The following TMC1 variants were observed in gnomAD, a reference collection of about 807,000 sequenced individuals.
TMC1 encodes transmembrane channel-like protein 1.
TMC1 carries 84 observed loss-of-function variants against 105.8 expected under a neutral mutation model. The observed-to-expected ratio is 0.79, with a 90% CI of 0.67 to 0.95. The LOEUF (loss-of-function observed/expected upper bound fraction) is 0.95, where lower values mean the gene tolerates loss of function less well. Ranked by LOEUF, TMC1 falls within the 40% of genes least tolerant of loss-of-function variation. TMC1 has a pLI of 0.00. For missense variants in TMC1, 817 were observed against 914.1 expected (o/e 0.89, Z 1.37); for synonymous variants, 315 against 311.5 (o/e 1.01, Z -0.12).
intron 1 of TMC1, among the ~76,000 whole-genome samples, chr9:72,556,986 C>CT (rs1353730175): frequency 6.6e-6 from 1 of 152,146 alleles, no homozygotes; most frequent in East Asian, 1.9e-4. Flanking sequence ...AGGGATGCTG[C>CT]TGAACATCCT....
intron 5 of TMC1, among the ~76,000 whole-genome samples, chr9:72,667,167 G>A (rs1256051486): frequency 6.6e-6 from 1 of 152,156 alleles, no homozygotes; most frequent in African/African-American, 2.4e-5. Flanking sequence ...CAGGGTAGGG[G>A]AACTAGTGAT....
At position 72,648,600 on chromosome 9, in the gene TMC1, C is replaced by T. The variant is rs780086356; in HGVS notation, c.-49C>T. On this transcript the variant is annotated 5_prime_UTR_variant, in exon 5 of 24. Transcript: ENST00000297784. Reference sequence around the variant, plus strand: ...TATTTGTTCCTTCATCCTGCAGTCCCTCTCCAAACTAGCCAGCCACTGAGA... The same window carrying T: ...TATTTGTTCCTTCATCCTGCAGTCCTTCTCCAAACTAGCCAGCCACTGAGA... 5 of 1,581,270 alleles carry T rather than the reference C, an allele frequency of 3.2e-6. No homozygotes were observed. In the East Asian group the frequency reaches 9.0e-5, roughly 28 times the overall value.
intron 6 of TMC1, among the ~76,000 whole-genome samples, chr9:72,689,114 A>G (rs1418188928): frequency 6.6e-6 from 1 of 152,166 alleles, no homozygotes; most frequent in South Asian, 2.1e-4. Flanking sequence ...TAGGTTCAAC[A>G]AAGTGTGGAT....
At chr9:72,656,207 T>C in intron 5 of TMC1, 1 of 520,004 alleles carries the variant, frequency 1.9e-6, no homozygotes, top group Non-Finnish European at 3.7e-6. Flanking sequence ...GCTGCGCGGC[T>C]TCCTGACCTA....
At chr9:72,598,891 C>T (rs776142978) in intron 2 of TMC1, among the ~76,000 whole-genome samples, 4 of 152,062 alleles carry the variant, frequency 2.6e-5, no homozygotes, top group African/African-American at 4.8e-5. Flanking sequence ...GGTTAGATGC[C>T]GACAACAATC....
Position 72,578,277 on chromosome 9 carries a change from T to C in TMC1, c.-306+254T>C, listed in dbSNP as rs1224890258. On this transcript the variant is annotated intron_variant, in intron 2 of 23. Coordinates refer to ENST00000297784, the MANE Select transcript of TMC1 (RefSeq NM_138691.3). The stretch of plus-strand genomic sequence containing the variant: ...GCACGCGCGCACGCGTGTGTGTGTG[T>C]GTGTGTGTGTGTGTGTGTGTGTGTG... 6 of 114,726 alleles carry C rather than the reference T, an allele frequency of 5.2e-5. No homozygotes were observed. In the East Asian group the frequency reaches 1.0e-3, roughly 19 times the overall value. 7.1% of individuals were successfully genotyped at this position (114,726 alleles called of 1,614,324 possible). A position where few individuals can be genotyped will look rare whatever the true frequency, so the allele number is the denominator to read the frequency against.
chr9:72,684,655 A>G (rs140579975), intron 5 of TMC1, among the ~76,000 whole-genome samples: 222 of 152,216 alleles, frequency 1.5e-3, no homozygotes, highest in African/African-American at 4.8e-3. Flanking sequence ...CAAATATTCA[A>G]CTGCCTACTT....
At chr9:72,744,264 G>C (rs935732493) in intron 10 of TMC1, among the ~76,000 whole-genome samples, 1 of 151,964 alleles carries the variant, frequency 6.6e-6, no homozygotes, top group Non-Finnish European at 1.5e-5. Context: ...TTAATTTTTT[G>C]ATGTAATCTT....
intron 8 of TMC1, among the ~76,000 whole-genome samples, chr9:72,738,699 T>C (rs1300087455): frequency 1.3e-5 from 2 of 152,224 alleles, no homozygotes; most frequent in Non-Finnish European, 2.9e-5. Flanking sequence ...ATTACAGGTA[T>C]GAGCCACTGT....
intron 12 of TMC1, among the ~76,000 whole-genome samples, chr9:72,763,751 G>A (rs1426001698): frequency 2.0e-5 from 3 of 152,050 alleles, no homozygotes; most frequent in Admixed American, 6.6e-5. Context: ...ACCAAAGCAC[G>A]TGGGATCCTC....
intron 5 of TMC1, among the ~76,000 whole-genome samples, chr9:72,682,928 C>T (rs1008214181): frequency 6.6e-6 from 1 of 152,202 alleles, no homozygotes; most frequent in Non-Finnish European, 1.5e-5. Flanking sequence ...GAAGGAGGTA[C>T]CTCCTACATG....
At chr9:72,603,420 C>CACCACACTCCACACGCACACACAT (rs1244557087) in intron 2 of TMC1, among the ~76,000 whole-genome samples, 56 of 148,730 alleles carry the variant, frequency 3.8e-4, no homozygotes, top group African/African-American at 1.2e-3. Context: ...CACACACACA[C>CACCACACTCCACACGCACACACAT]ACCACACTCC....
At chr9:72,669,787 A>G (rs1272622967) in intron 5 of TMC1, among the ~76,000 whole-genome samples, 1 of 152,186 alleles carries the variant, frequency 6.6e-6, no homozygotes, top group Non-Finnish European at 1.5e-5. Context: ...GTTAAGATGA[A>G]ATACAGATAC....
intron 5 of TMC1, among the ~76,000 whole-genome samples, chr9:72,661,260 T>G (rs563451819): frequency 2.0e-5 from 3 of 152,364 alleles, no homozygotes; most frequent in East Asian, 3.9e-4. Flanking sequence ...AGAGTCTCAC[T>G]CCATGATGTT....
intron 1 of TMC1, 59 bp from the exon 2 acceptor site, chr9:72,577,843 A>G (rs1236616941): frequency 6.6e-6 from 1 of 151,968 alleles, no homozygotes; most frequent in Admixed American, 6.6e-5. Flanking sequence ...GCCTCTTGTA[A>G]TTTTTAGAAA....
chr9:72,644,235 C>T (rs1825674214), intron 4 of TMC1, among the ~76,000 whole-genome samples: 1 of 151,692 alleles, frequency 6.6e-6, no homozygotes, highest in Admixed American at 6.6e-5. Context: ...TTTCATTCTC[C>T]TAGCAGTCTT....
At chr9:72,538,513 T>G (rs1483118696) in intron 1 of TMC1, among the ~76,000 whole-genome samples, 1 of 152,124 alleles carries the variant, frequency 6.6e-6, no homozygotes, top group Non-Finnish European at 1.5e-5. Flanking sequence ...CTCGGCTCAC[T>G]GTAACCTCCG....
intron 11 of TMC1, among the ~76,000 whole-genome samples, chr9:72,752,529 T>G (rs1217334621): frequency 7.3e-5 from 11 of 151,146 alleles, no homozygotes; most frequent in Admixed American, 6.6e-5. Flanking sequence ...AGTCAGAAAC[T>G]AAAACACATA....
At chr9:72,636,392 A>G (rs1270571736) in intron 4 of TMC1, among the ~76,000 whole-genome samples, 2 of 152,094 alleles carry the variant, frequency 1.3e-5, no homozygotes, top group Non-Finnish European at 2.9e-5. Flanking sequence ...TAATTCTTTC[A>G]TTGATAAAGA....
Sources: gnomAD v4.1 joint callset for allele counts (sites outside exome capture counted in the v4.1 genomes callset) on GRCh38, gnomAD v4.1.1 for gene constraint, MANE v1.5 for transcripts, NCBI Gene and HGNC (gene_info 2026-07-23, HGNC 2026-07-21) for gene names.